Variants in FLRT2 observed in about 807,000 individuals in gnomAD.
The protein encoded by FLRT2 is fibronectin leucine rich transmembrane protein 2.
FLRT2 carries 15 observed loss-of-function variants against 40.0 expected under a neutral mutation model. That is an observed-to-expected ratio of 0.38 (90% CI 0.25 to 0.58). FLRT2 has a LOEUF of 0.58. Among genes scored for constraint, FLRT2 ranks in the 20% least tolerant of loss-of-function variants. The pLI, the probability that FLRT2 is intolerant of heterozygous loss-of-function variation, is 0.71. For missense variants in FLRT2, 726 were observed against 840.0 expected (o/e 0.86, Z 1.68); for synonymous variants, 380 against 336.8 (o/e 1.13, Z -1.41).
chr14:85,612,931 A>G (rs1352871064), intron 1 of FLRT2, among the ~76,000 whole-genome samples: 2 of 152,000 alleles, frequency 1.3e-5, no homozygotes, highest in Non-Finnish European at 2.9e-5. Context: ...GAGACATAAG[A>G]TTTTCTGTTT....
intron 1 of FLRT2, among the ~76,000 whole-genome samples, chr14:85,587,673 T>C (rs1223088388): frequency 1.3e-5 from 2 of 152,080 alleles, no homozygotes; most frequent in Admixed American, 6.6e-5. Context: ...GTGGTCACCG[T>C]TGACAGCTCA....
chr14:85,547,664 A>T (rs947791723), intron 1 of FLRT2, among the ~76,000 whole-genome samples: 3 of 152,092 alleles, frequency 2.0e-5, no homozygotes, highest in Admixed American at 2.0e-4. Flanking sequence ...CTAGGGTATG[A>T]ACCCCACAAG....
intron 1 of FLRT2, among the ~76,000 whole-genome samples, chr14:85,577,839 C>T (rs1891186860): frequency 6.6e-6 from 1 of 152,004 alleles, no homozygotes; most frequent in South Asian, 2.1e-4. Flanking sequence ...CCTTGGTCTC[C>T]CAAGGCACTG....
At chr14:85,604,059 C>T (rs1190878015) in intron 1 of FLRT2, among the ~76,000 whole-genome samples, 1 of 152,120 alleles carries the variant, frequency 6.6e-6, no homozygotes, top group African/African-American at 2.4e-5. Context: ...TGAAGAACTT[C>T]AGGAAGCCAT....
At position 85,622,560 on chromosome 14, in the gene FLRT2, C is replaced by T. The variant is rs748459933; in HGVS notation, c.1046C>T (p.Ala349Val). The change falls in exon 2 of 2, where the codon GCC (alanine) becomes GTC (valine). Residue 349 changes from alanine to valine, a missense_variant. By Grantham distance (64) the Ala-to-Val change is moderately conservative. Around this residue, in one of 3 missense-constraint regions of FLRT2, gnomAD observed 611 missense variants for 690.0 expected, o/e 0.89. Coordinates refer to ENST00000330753, the MANE Select transcript of FLRT2 (RefSeq NM_013231.6). The part of the protein sequence containing the change: ...CQGPEQVRGM[A>V]VRELNMNLLS... ...GGTCCTGAACAAGTCCGGGGGATGG[C>T]CGTCAGGGAATTAAATATGAATCTT... is the stretch of plus-strand genomic sequence containing the variant. The T allele has an allele frequency of 2.6e-5, 42 of 1,613,648 alleles. No individual in the cohort carries two copies. The highest frequency in any genetic ancestry group is 3.1e-5 in the Non-Finnish European group (37 of 1,179,992).
chr14:85,535,929 T>G (rs1666743993), intron 1 of FLRT2, among the ~76,000 whole-genome samples: 1 of 86,310 alleles, frequency 1.2e-5, no homozygotes, highest in East Asian at 3.3e-4. Flanking sequence ...TTTGTTGTTG[T>G]TGTTGTTGTT....
At chr14:85,583,958 C>CT (rs1891504106) in intron 1 of FLRT2, among the ~76,000 whole-genome samples, 1 of 124,148 alleles carries the variant, frequency 8.1e-6, no homozygotes, top group Non-Finnish European at 1.8e-5. Context: ...GACACTGTTT[C>CT]TTTAAAAAAA....
chr14:85,537,833 C>A (rs1373404228), intron 1 of FLRT2, among the ~76,000 whole-genome samples: 6 of 123,316 alleles, frequency 4.9e-5, no homozygotes, highest in Non-Finnish European at 1.0e-4. Flanking sequence ...TCTGTTAGAA[C>A]CTTCATGTTT....
At chr14:85,546,680 A>AT in intron 1 of FLRT2, among the ~76,000 whole-genome samples, 1 of 152,224 alleles carries the variant, frequency 6.6e-6, no homozygotes, top group Non-Finnish European at 1.5e-5. Flanking sequence ...AAACCTTAAC[A>AT]TACCAATGTC....
rs184271318 is a variant in FLRT2, at chr14:85,624,707, T to C, written c.*1210T>C. 1.9e-4 allele frequency: 32 copies of C among 167,060 alleles called. No homozygotes were observed. The highest frequency in any genetic ancestry group is 7.5e-4 in the African/African-American group (31 of 41,588). 10.3% of individuals were successfully genotyped at this position (167,060 alleles called of 1,614,324 possible). ...CCTTTGTTTTTCTCCCTCTGTTCAG[T>C]ATTTCAAGGAAAATTATGGATGCCA... On this transcript the variant is annotated 3_prime_UTR_variant, in exon 2 of 2. Transcript: ENST00000330753.
chr14:85,622,852 C>T lies in FLRT2; in HGVS notation c.1338C>T (p.Thr446=), dbSNP rs142242956. The T allele has an allele frequency of 2.2e-5, 35 of 1,614,056 alleles. No homozygotes were observed. The highest frequency in any genetic ancestry group is 1.6e-4 in the Middle Eastern group (1 of 6,084). The part of the protein sequence containing the change: ...SIQVSWLSLF[T]VMAYKLTWVK... Reference sequence around the variant, plus strand: ...AAGTCAGCTGGCTCTCTCTCTTCACCGTGATGGCATACAAACTCACATGGG... The same window carrying T: ...AAGTCAGCTGGCTCTCTCTCTTCACTGTGATGGCATACAAACTCACATGGG... Residue 446 remains threonine, a synonymous_variant, in exon 2 of 2, where the codon ACC becomes ACT. Transcript: ENST00000330753.
At chr14:85,620,559 T>G (rs762823535) in intron 1 of FLRT2, among the ~76,000 whole-genome samples, 20 of 152,354 alleles carry the variant, frequency 1.3e-4, no homozygotes, top group South Asian at 6.2e-4. Context: ...TTTTATAACA[T>G]AGTATATGAA....
chr14:85,627,584 A>ACG lies in FLRT2; in HGVS notation c.*4088_*4089insGC, dbSNP rs1287219561. On this transcript the variant is annotated 3_prime_UTR_variant, in exon 2 of 2. Coordinates refer to ENST00000330753, the MANE Select transcript of FLRT2 (RefSeq NM_013231.6). ...CAAACATGCACATGCTTGTACACAC[A>ACG]CACACACACACACACAAACAGGGGC... 6.0e-6 allele frequency: 1 copy of ACG among 166,788 alleles called. No homozygotes were observed. Among genetic ancestry groups the ACG allele is most frequent in the Non-Finnish European group, 1.5e-5 (1 of 68,046 alleles). 10.3% of individuals were successfully genotyped at this position (166,788 alleles called of 1,614,324 possible).
rs187769487 is a variant in FLRT2 at position 85,578,015 on chromosome 14, G to A, written c.-376-43124G>A. ...TGTCAAACTGAGTTGAGCAGGAAAG[G>A]GCCCAATGTTTCTAATGTTGCATCC... On this transcript the variant is annotated intron_variant, in intron 1 of 1. Coordinates refer to ENST00000330753, the MANE Select transcript of FLRT2 (RefSeq NM_013231.6). 7.4e-3 allele frequency among the ~76,000 whole-genome samples: 1,117 copies of A among 151,168 alleles called. 6 individuals are homozygous for A. The highest frequency in any genetic ancestry group is 0.013 in the South Asian group (64 of 4,798).
chr14:85,590,155 G>T (rs1227731878), intron 1 of FLRT2, among the ~76,000 whole-genome samples: 1 of 151,560 alleles, frequency 6.6e-6, no homozygotes, highest in Non-Finnish European at 1.5e-5. Flanking sequence ...AGCATTCATG[G>T]TCTCTCCCCA....
chr14:85,558,511 T>G (rs1890116040), intron 1 of FLRT2, among the ~76,000 whole-genome samples: 1 of 152,176 alleles, frequency 6.6e-6, no homozygotes, highest in Admixed American at 6.5e-5. Flanking sequence ...ATATAGACTG[T>G]CAGAAGCATT....
intron 1 of FLRT2, among the ~76,000 whole-genome samples, chr14:85,569,861 C>G (rs967496267): frequency 1.3e-5 from 2 of 152,138 alleles, no homozygotes; most frequent in Non-Finnish European, 2.9e-5. Context: ...ACCAAACTTT[C>G]TTTTAAAAGT....
At chr14:85,558,031 C>G (rs1018341359) in intron 1 of FLRT2, among the ~76,000 whole-genome samples, 2 of 152,046 alleles carry the variant, frequency 1.3e-5, no homozygotes, top group East Asian at 3.9e-4. Context: ...CCATAGACTT[C>G]CGTAGAAAGC....
intron 1 of FLRT2, among the ~76,000 whole-genome samples, chr14:85,597,012 C>T (rs887325356): frequency 1.3e-5 from 2 of 151,934 alleles, no homozygotes; most frequent in African/African-American, 4.8e-5. Flanking sequence ...TATTTTATTG[C>T]GTTGAGATGA....
Sources: allele counts gnomAD v4.1 joint callset (sites outside exome capture counted in the v4.1 genomes callset), GRCh38; gene constraint gnomAD v4.1.1; regional missense constraint gnomAD v4.1.1; transcripts MANE v1.5; gene names NCBI Gene and HGNC (gene_info 2026-07-23, HGNC 2026-07-21).